The following GNAO1 variants were observed in gnomAD, a reference collection of about 807,000 sequenced individuals.
GNAO1 encodes the protein guanine nucleotide-binding protein G(o) subunit alpha.
For synonymous variants in GNAO1, 164 were observed against 180.7 expected (o/e 0.91, Z 0.74); for missense variants, 166 against 478.7 (o/e 0.35, Z 6.10).
chr16:56,211,587 A>T (rs1456878118), intron 2 of GNAO1, among the ~76,000 whole-genome samples: 1 of 152,202 alleles, frequency 6.6e-6, no homozygotes, highest in Non-Finnish European at 1.5e-5. Context: ...GCCCTTCTAC[A>T]TAGTTCCCTC....
chr16:56,242,433 T>G (rs1445401652), intron 2 of GNAO1, among the ~76,000 whole-genome samples: 1 of 152,094 alleles, frequency 6.6e-6, no homozygotes, highest in African/African-American at 2.4e-5. Flanking sequence ...TACAAAGCAA[T>G]GATAATCAGT....
intron 3 of GNAO1, among the ~76,000 whole-genome samples, chr16:56,296,354 G>A (rs540500800): frequency 1.3e-4 from 20 of 152,292 alleles, no homozygotes; most frequent in Middle Eastern, 3.4e-3. Flanking sequence ...TTGCCAGAGC[G>A]ACGGGCTGGA....
intron 6 of GNAO1, chr16:56,347,060 T>C: frequency 1.0e-6 from 1 of 985,480 alleles, no homozygotes; most frequent in Non-Finnish European, 1.2e-6. Flanking sequence ...TTTCTCAGTC[T>C]GACCTGGTGC....
At chr16:56,224,617 A>T (rs1309818148) in intron 2 of GNAO1, among the ~76,000 whole-genome samples, 1 of 152,170 alleles carries the variant, frequency 6.6e-6, no homozygotes, top group Admixed American at 6.5e-5. Context: ...AGTAGCTGTG[A>T]CTACAGCGTG....
At chr16:56,330,086 G>A (rs756418007) in intron 4 of GNAO1, among the ~76,000 whole-genome samples, 5 of 152,192 alleles carry the variant, frequency 3.3e-5, no homozygotes, top group South Asian at 2.1e-4. Flanking sequence ...GGCCGGGAGC[G>A]GCTTCCCATT....
In GNAO1 at chr16:56,344,984, G is replaced by A. The variant is rs1465713186; in HGVS notation, c.724-6400G>A. 5 of 982,202 alleles carry A rather than the reference G, an allele frequency of 5.1e-6. No homozygotes were observed. The African/African-American group carries it at 8.8e-5, about 17-fold the overall frequency. 60.8% of individuals were successfully genotyped at this position (982,202 alleles called of 1,614,324 possible). A position where few individuals can be genotyped will look rare whatever the true frequency, so the allele number is the denominator to read the frequency against. ...GCCGTTGGTGTCTTCCCAGCCCCTG[G>A]GGACAGAGGACAGCAGGGGGATGGA... On this transcript the variant is annotated intron_variant, in intron 6 of 8. Transcript: ENST00000262493.
At chr16:56,204,686 A>T (rs535187071) in intron 2 of GNAO1, among the ~76,000 whole-genome samples, 1 of 152,330 alleles carries the variant, frequency 6.6e-6, no homozygotes, top group Admixed American at 6.5e-5. Context: ...ATTTGAAGCT[A>T]TTGCGGGCTT....
chr16:56,273,998 C>T (rs1348983729), intron 2 of GNAO1, among the ~76,000 whole-genome samples: 1 of 152,248 alleles, frequency 6.6e-6, no homozygotes, highest in African/African-American at 2.4e-5. Context: ...TGTGCACTCT[C>T]TGAAGCATCT....
intron 2 of GNAO1, among the ~76,000 whole-genome samples, chr16:56,245,138 A>T (rs8049790): frequency 0.013 from 1,815 of 142,444 alleles, 41 homozygotes; most frequent in African/African-American, 0.043. Context: ...TTTTATAGAT[A>T]AAAAAAAAAA....
chr16:56,250,258 T>C (rs895208086), intron 2 of GNAO1, among the ~76,000 whole-genome samples: 1 of 152,150 alleles, frequency 6.6e-6, no homozygotes, highest in Non-Finnish European at 1.5e-5. Context: ...TAACCTTATT[T>C]GGGGATCTTC....
intron 6 of GNAO1, chr16:56,339,781 T>G (rs2037782227): frequency 6.5e-6 from 1 of 152,720 alleles, no homozygotes; most frequent in African/African-American, 2.4e-5. Flanking sequence ...GGCCTTATCT[T>G]GCCAAACCAA....
chr16:56,229,119 G>A (rs1015377508), intron 2 of GNAO1, among the ~76,000 whole-genome samples: 1 of 152,148 alleles, frequency 6.6e-6, no homozygotes, highest in African/African-American at 2.4e-5. Context: ...TTTAATGCTT[G>A]AAAGGAGGAT....
chr16:56,311,669 G>GC lies in GNAO1; in HGVS notation c.304-16961dup, dbSNP rs1371430077. Among the ~76,000 whole-genome samples the GC allele has an allele frequency of 6.6e-6, 1 of 152,076 alleles. No homozygotes were observed. The highest frequency in any genetic ancestry group is 1.5e-5 in the Non-Finnish European group (1 of 67,992). On this transcript the variant is annotated intron_variant, in intron 3 of 8. Transcript: ENST00000262493. The surrounding 1 kb of genome is among the most constrained non-coding windows in gnomAD (Gnocchi z 5.2). ...TAGCTTGGCAGATGAGTCCCCGGAGGCTTGGCTCAGCCCCTGACCCCCTGT... is the reference window on the plus strand; with the variant it reads ...TAGCTTGGCAGATGAGTCCCCGGAGGCCTTGGCTCAGCCCCTGACCCCCTGT...
rs548066453 is a variant in GNAO1, at chr16:56,294,698, C to T, written c.303+18626C>T. On this transcript the variant is annotated intron_variant, in intron 3 of 8. Transcript: ENST00000262493. ...TGCATAAGAAACTTCCAAACTACTT[C>T]CCCAAGTGGTAGTACTGTTGAAAAT... Among the ~76,000 whole-genome samples the T allele has an allele frequency of 7.6e-4, 116 of 152,264 alleles. 2 individuals carry two copies. The highest frequency in any genetic ancestry group is 1.4e-3 in the Non-Finnish European group (94 of 68,028).
At chr16:56,304,273 G>C (rs2037372301) in intron 3 of GNAO1, among the ~76,000 whole-genome samples, 1 of 152,226 alleles carries the variant, frequency 6.6e-6, no homozygotes, top group African/African-American at 2.4e-5. Context: ...TTTGCCCATG[G>C]TACTGAGGGC....
intron 4 of GNAO1, among the ~76,000 whole-genome samples, chr16:56,330,919 G>T (rs757480067): frequency 6.6e-6 from 1 of 152,192 alleles, no homozygotes; most frequent in African/African-American, 2.4e-5. Context: ...TGGGCCTTCC[G>T]TGTCTCCCCT....
Position 56,305,885 on chromosome 16 carries a change from C to T in GNAO1, c.304-22746C>T, listed in dbSNP as rs903831703. On this transcript the variant is annotated intron_variant, in intron 3 of 8. Transcript: ENST00000262493. ...GTCTGTGTCTTAATCTCTATAAGGA[C>T]GCCAGTCCTATTGGATTAGAACCCA... 5.9e-5 allele frequency among the ~76,000 whole-genome samples: 9 copies of T among 152,158 alleles called. No homozygotes were observed. In the East Asian group the frequency reaches 1.3e-3, roughly 23 times the overall value.
At chr16:56,263,176 A>T (rs1393110896) in intron 2 of GNAO1, among the ~76,000 whole-genome samples, 1 of 152,182 alleles carries the variant, frequency 6.6e-6, no homozygotes, top group African/African-American at 2.4e-5. Flanking sequence ...TGGAGATGGG[A>T]TTGGCAGCCA....
At chr16:56,299,763 A>G (rs934476646) in intron 3 of GNAO1, among the ~76,000 whole-genome samples, 1 of 152,220 alleles carries the variant, frequency 6.6e-6, no homozygotes, top group Admixed American at 6.5e-5. Flanking sequence ...CACAATCCAG[A>G]TGATGAGGAA....
Sources: gnomAD v4.1 joint callset for allele counts (sites outside exome capture counted in the v4.1 genomes callset) on GRCh38, gnomAD v4.1.1 for gene constraint, Gnocchi (gnomAD v3.1) non-coding constraint, MANE v1.5 for transcripts, NCBI Gene and HGNC (gene_info 2026-07-23, HGNC 2026-07-21) for gene names.